FBXL7: variants seen among roughly 807,000 people sequenced by gnomAD.
FBXL7 encodes F-box/LRR-repeat protein 7.
In FBXL7, 12 loss-of-function variants were observed where a neutral mutation model predicts 38.3. That is an observed-to-expected ratio of 0.31 (90% confidence interval 0.20 to 0.51). The LOEUF (loss-of-function observed/expected upper bound fraction) is 0.51. Among genes scored for constraint, FBXL7 ranks in the 20% least tolerant of loss-of-function variants. FBXL7 has a pLI of 0.98. For missense variants in FBXL7, 567 were observed against 676.4 expected, an observed-to-expected ratio of 0.84 and a Z score of 1.79; for synonymous variants, 297 against 300.9, an observed-to-expected ratio of 0.99 and a Z score of 0.13.
intron 2 of FBXL7, among the ~76,000 whole-genome samples, chr5:15,713,933 T>C (rs745871832): frequency 2.6e-5 from 4 of 152,332 alleles, no homozygotes; most frequent in African/African-American, 9.6e-5. Flanking sequence ...AAACAAATTA[T>C]TTAACATATT....
chr5:15,571,544 CATTTTCT>C, intron 1 of FBXL7, among the ~76,000 whole-genome samples: 1 of 152,218 alleles, frequency 6.6e-6, no homozygotes, highest in East Asian at 1.9e-4. Flanking sequence ...AGGTGAGAGA[CATTTTCT>C]TGGGAAATAT....
intron 2 of FBXL7, among the ~76,000 whole-genome samples, chr5:15,921,441 C>G (rs1389185376): frequency 6.6e-6 from 1 of 151,130 alleles, no homozygotes; most frequent in Admixed American, 6.6e-5. Flanking sequence ...TAATTTTTAC[C>G]TTTTCAGATC....
In FBXL7 at chr5:15,562,989, T is replaced by A. The variant is rs62353780; in HGVS notation, c.38-52994T>A. ...GGTATACAGAGATGGCTTTCAACAT[T>A]AGAAAGGATGGTTGGGGAAAATATA... On this transcript the variant is annotated intron_variant, in intron 1 of 3. Coordinates refer to ENST00000504595, the MANE Select transcript of FBXL7 (RefSeq NM_012304.5). Among the ~76,000 whole-genome samples the A allele has an allele frequency of 7.8e-3, 1,193 of 152,204 alleles. 3 individuals are homozygous for A. The highest frequency in any genetic ancestry group is 0.014 in the Non-Finnish European group (953 of 67,980).
intron 2 of FBXL7, among the ~76,000 whole-genome samples, chr5:15,744,841 C>T (rs552763865): frequency 9.3e-4 from 142 of 152,232 alleles, no homozygotes; most frequent in Non-Finnish European, 1.6e-3. Flanking sequence ...CAAACATGCC[C>T]TTCTTCACGT....
chr5:15,550,015 G>T (rs948251361), intron 1 of FBXL7, among the ~76,000 whole-genome samples: 2 of 152,212 alleles, frequency 1.3e-5, no homozygotes, highest in African/African-American at 4.8e-5. Flanking sequence ...CCTGAGCCCA[G>T]CAGAAACTTC....
chr5:15,707,173 C>CATT (rs1743708795), intron 2 of FBXL7, among the ~76,000 whole-genome samples: 1 of 39,174 alleles, frequency 2.6e-5, no homozygotes, highest in Non-Finnish European at 5.4e-5. Flanking sequence ...TTTTTCTTTT[C>CATT]GTTTTTTTTT....
At chr5:15,844,032 T>G (rs1738825887) in intron 2 of FBXL7, among the ~76,000 whole-genome samples, 1 of 152,094 alleles carries the variant, frequency 6.6e-6, no homozygotes, top group South Asian at 2.1e-4. Flanking sequence ...AACAAAAATC[T>G]TCATTCCTTT....
intron 2 of FBXL7, among the ~76,000 whole-genome samples, chr5:15,635,914 T>C (rs1301903911): frequency 1.7e-5 from 1 of 60,540 alleles, no homozygotes; most frequent in African/African-American, 6.7e-5. Flanking sequence ...ATTTTTAGCC[T>C]TTTTTTTTTT....
intron 2 of FBXL7, among the ~76,000 whole-genome samples, chr5:15,689,979 A>G (rs1221323975): frequency 6.6e-6 from 1 of 152,204 alleles, no homozygotes; most frequent in African/African-American, 2.4e-5. Flanking sequence ...GCACACCCCA[A>G]GTATAACAAC....
intron 3 of FBXL7, among the ~76,000 whole-genome samples, chr5:15,933,652 G>A (rs1742098193): frequency 6.6e-6 from 1 of 152,214 alleles, no homozygotes; most frequent in Admixed American, 6.5e-5. Flanking sequence ...TTTGGAGTGT[G>A]TGCTTCACTC....
intron 2 of FBXL7, among the ~76,000 whole-genome samples, chr5:15,627,257 G>T (rs755721432): frequency 6.6e-6 from 1 of 152,180 alleles, no homozygotes; most frequent in African/African-American, 2.4e-5. Flanking sequence ...CATTCAGGGC[G>T]GGATAAAATT....
intron 2 of FBXL7, among the ~76,000 whole-genome samples, chr5:15,622,846 A>G (rs1334366052): frequency 6.6e-6 from 1 of 152,160 alleles, no homozygotes; most frequent in East Asian, 1.9e-4. Flanking sequence ...TTGGGATTAC[A>G]GGCATGAGCC....
intron 2 of FBXL7, among the ~76,000 whole-genome samples, chr5:15,667,332 A>G (rs1193928843): frequency 1.3e-5 from 2 of 152,208 alleles, no homozygotes; most frequent in African/African-American, 2.4e-5. Context: ...TGAAGTAGGC[A>G]GACAGTAGCA....
At chr5:15,735,787 C>T (rs1215716619) in intron 2 of FBXL7, among the ~76,000 whole-genome samples, 1 of 152,192 alleles carries the variant, frequency 6.6e-6, no homozygotes, top group Non-Finnish European at 1.5e-5. Context: ...GAGAAAACAT[C>T]ATCGGAAGCT....
At chr5:15,534,281 C>T (rs1448113337) in intron 1 of FBXL7, among the ~76,000 whole-genome samples, 2 of 152,142 alleles carry the variant, frequency 1.3e-5, no homozygotes, top group South Asian at 2.1e-4. Context: ...ATTAGAGTAT[C>T]CTGCAGAATA....
intron 2 of FBXL7, among the ~76,000 whole-genome samples, chr5:15,794,993 G>A (rs1051823192): frequency 6.6e-6 from 1 of 152,196 alleles, no homozygotes; most frequent in Non-Finnish European, 1.5e-5. Flanking sequence ...TGATGCCTTA[G>A]CATGAACTGC....
intron 1 of FBXL7, among the ~76,000 whole-genome samples, chr5:15,541,409 T>A (rs1737740528): frequency 7.4e-6 from 1 of 135,728 alleles, no homozygotes; most frequent in Non-Finnish European, 1.6e-5. Context: ...TATATATGTG[T>A]ATATATATAC....
intron 2 of FBXL7, among the ~76,000 whole-genome samples, chr5:15,921,562 G>GA (rs565726438): frequency 3.7e-4 from 57 of 152,072 alleles, no homozygotes; most frequent in African/African-American, 1.3e-3. Context: ...TATTCCCAGG[G>GA]AAAAAAAGTT....
chr5:15,749,244 CAAAAAAA>C (rs70938027), intron 2 of FBXL7, among the ~76,000 whole-genome samples: 851 of 70,114 alleles, frequency 0.012, 8 homozygotes, highest in African/African-American at 0.031. Context: ...GACTCTGTCT[CAAAAAAA>C]AAAAAAAAAA....
Sources: allele counts gnomAD v4.1 joint callset (sites outside exome capture counted in the v4.1 genomes callset), GRCh38; gene constraint gnomAD v4.1.1; transcripts MANE v1.5; gene names NCBI Gene and HGNC (gene_info 2026-07-23, HGNC 2026-07-21).